Variants in NCAPD3 observed in about 807,000 individuals in gnomAD.
NCAPD3 encodes the protein non-SMC condensin II complex subunit D3.
In NCAPD3, 105 loss-of-function variants were observed where a neutral mutation model predicts 182.9. The observed-to-expected ratio is 0.57, with a 90% CI of 0.49 to 0.68. NCAPD3 has a LOEUF of 0.68. Ranked by LOEUF, NCAPD3 falls within the 30% of genes least tolerant of loss-of-function variation. The pLI is 0.00. For synonymous variants in NCAPD3, 815 were observed against 679.9 expected (o/e 1.20, Z -3.09); for missense variants, 1,944 against 1,837.0 (o/e 1.06, Z -1.07).
chr11:134,162,866 A>G (rs1403887258), intron 27 of NCAPD3, among the ~76,000 whole-genome samples: 2 of 152,162 alleles, frequency 1.3e-5, no homozygotes, highest in African/African-American at 4.8e-5. Context: ...TCAAGGGAAG[A>G]GGTGTTAAGT....
At chr11:134,206,533 T>C in intron 8 of NCAPD3, 66 bp downstream of exon 8, 1 of 1,575,370 alleles carries the variant, frequency 6.3e-7, no homozygotes, top group Non-Finnish European at 8.6e-7. Flanking sequence ...ATCAGAAATC[T>C]TAGTGCAGGG....
intron 15 of NCAPD3, among the ~76,000 whole-genome samples, chr11:134,193,650 G>A (rs1944567788): frequency 6.6e-6 from 1 of 152,228 alleles, no homozygotes; most frequent in African/African-American, 2.4e-5. Context: ...CTACACAGGA[G>A]GCTGAGGCAG....
At chr11:134,191,000 C>A (rs549940091) in intron 16 of NCAPD3, among the ~76,000 whole-genome samples, 9 of 152,188 alleles carry the variant, frequency 5.9e-5, no homozygotes, top group Non-Finnish European at 1.3e-4. Flanking sequence ...GAATAATTTT[C>A]TCCTAGTTAT....
intron 3 of NCAPD3, among the ~76,000 whole-genome samples, chr11:134,215,709 G>C (rs1937991205): frequency 6.6e-6 from 1 of 152,110 alleles, no homozygotes; most frequent in Non-Finnish European, 1.5e-5. Flanking sequence ...TGTTAAATTG[G>C]CAATACTTCA....
At chr11:134,172,134 C>A (rs79792276) in intron 24 of NCAPD3, among the ~76,000 whole-genome samples, 5 of 152,126 alleles carry the variant, frequency 3.3e-5, no homozygotes, top group Non-Finnish European at 5.9e-5. Context: ...GCTGTTAAGA[C>A]GCCTCCACCT....
chr11:134,172,763 G>A (rs549350682), intron 24 of NCAPD3, among the ~76,000 whole-genome samples: 23 of 152,246 alleles, frequency 1.5e-4, no homozygotes, highest in Admixed American at 3.3e-4. Context: ...CATACAGGCC[G>A]GGGTGGTGGC....
chr11:134,170,272 C>G, intron 24 of NCAPD3, among the ~76,000 whole-genome samples: 2 of 152,244 alleles, frequency 1.3e-5, no homozygotes, highest in African/African-American at 4.8e-5. Context: ...TTCCTTGAGA[C>G]AAAATTCACT....
At chr11:134,164,469 G>C (rs73042030) in intron 27 of NCAPD3, among the ~76,000 whole-genome samples, 1 of 152,264 alleles carries the variant, frequency 6.6e-6, no homozygotes, top group Admixed American at 6.5e-5. Flanking sequence ...CAGTAAGAAA[G>C]AAGTCAGCAC....
intron 32 of NCAPD3, among the ~76,000 whole-genome samples, chr11:134,155,244 C>A (rs1943388387): frequency 6.6e-6 from 1 of 152,174 alleles, no homozygotes; most frequent in African/African-American, 2.4e-5. Flanking sequence ...TGGGTGGCAT[C>A]TTTCCTGCCA....
At chr11:134,208,796 A>G (rs1937713480) in intron 7 of NCAPD3, 68 bp downstream of exon 7, 4 of 1,031,922 alleles carry the variant, frequency 3.9e-6, no homozygotes, top group Admixed American at 4.2e-5. Flanking sequence ...CTTTTAACAT[A>G]TTTCCATCAT....
rs565836278 is a variant in NCAPD3, at chr11:134,191,858, T to C, written c.2045+831A>G. Among the ~76,000 whole-genome samples the C allele has an allele frequency of 9.8e-5, 15 of 152,332 alleles. No individual in the cohort carries two copies. In the South Asian group the frequency reaches 2.1e-3, roughly 21 times the overall value. ...ACCAAAGTCTCATATACACCTTGTATGCACAGCCGGAAGGTGATTTTATTT... is the reference window on the plus strand; with the variant it reads ...ACCAAAGTCTCATATACACCTTGTACGCACAGCCGGAAGGTGATTTTATTT... On this transcript the variant is annotated intron_variant, in intron 16 of 34. Transcript: ENST00000534548.
chr11:134,188,405 C>A (rs1322710281), intron 16 of NCAPD3, among the ~76,000 whole-genome samples: 2 of 152,306 alleles, frequency 1.3e-5, no homozygotes, highest in East Asian at 1.9e-4. Flanking sequence ...GCTGGCCACC[C>A]GAGCCAGCAG....
At chr11:134,195,442 G>T (rs938708872) in intron 13 of NCAPD3, among the ~76,000 whole-genome samples, 34 of 152,030 alleles carry the variant, frequency 2.2e-4, no homozygotes, top group African/African-American at 8.2e-4. Context: ...GGACCCTAAA[G>T]AGATTATATC....
chr11:134,174,658 G>A (rs750813475), intron 24 of NCAPD3, among the ~76,000 whole-genome samples: 3 of 152,106 alleles, frequency 2.0e-5, no homozygotes, highest in Admixed American at 6.6e-5. Context: ...ACAGGAAAAT[G>A]CTCAACAGCA....
chr11:134,217,836 T>C (rs535706009), intron 2 of NCAPD3, among the ~76,000 whole-genome samples: 5 of 152,176 alleles, frequency 3.3e-5, no homozygotes, highest in South Asian at 2.1e-4. Context: ...CAATGGCTCA[T>C]GCCTGTAATC....
intron 20 of NCAPD3, among the ~76,000 whole-genome samples, chr11:134,179,607 A>G (rs1337562959): frequency 6.6e-6 from 1 of 152,232 alleles, no homozygotes; most frequent in Non-Finnish European, 1.5e-5. Context: ...CCTCAGAAGT[A>G]AAATCCAAGG....
rs769799188 is a variant in NCAPD3, at chr11:134,152,684, A to G, written c.*260T>C. 2 of 356,692 alleles carry G rather than the reference A, an allele frequency of 5.6e-6. No individual in the cohort carries two copies. The highest frequency in any genetic ancestry group is 5.0e-6 in the Non-Finnish European group (1 of 199,458). The allele number at this position is 356,692 out of a possible 1,614,324, so 22.1% of individuals were successfully genotyped here. ...TATCTGAATGGGCTTGACACTTTCA[A>G]ATGGAATAAAGTTACAATATTAAAC... On this transcript the variant is annotated 3_prime_UTR_variant, in exon 35 of 35. Coordinates refer to ENST00000534548, the MANE Select transcript of NCAPD3 (RefSeq NM_015261.3).
At position 134,192,905 on chromosome 11, in the gene NCAPD3, T is replaced by G; in HGVS notation, c.1829A>C (p.Gln610Pro). 1 of 1,597,366 alleles carries G rather than the reference T, an allele frequency of 6.3e-7. No homozygotes were observed. Among genetic ancestry groups the G allele is most frequent in the Non-Finnish European group, 8.6e-7 (1 of 1,165,036 alleles). The change falls in exon 16 of 35, where the codon CAG (glutamine) becomes CCG (proline). Residue 610 changes from glutamine (Q) to proline (P), a missense_variant. By Grantham distance (76) the Gln-to-Pro change is moderately conservative. Coordinates refer to ENST00000534548, the MANE Select transcript of NCAPD3 (RefSeq NM_015261.3). ...TTTCTGGATCTGCACGCATCTAGGCTGAGCCTTAGGAGTGAAAGATTATGA... is the reference window on the plus strand; with the variant it reads ...TTTCTGGATCTGCACGCATCTAGGCGGAGCCTTAGGAGTGAAAGATTATGA... ...LQSLTELLMA[Q>P]PRCVQIQKAW...
intron 27 of NCAPD3, among the ~76,000 whole-genome samples, chr11:134,166,830 A>G (rs1943830041): frequency 9.4e-6 from 1 of 106,188 alleles, no homozygotes. Flanking sequence ...CACTTGTGAG[A>G]TGAGCTTGGG....
Sources: allele counts gnomAD v4.1 joint callset (sites outside exome capture counted in the v4.1 genomes callset), GRCh38; gene constraint gnomAD v4.1.1; transcripts MANE v1.5; gene names NCBI Gene and HGNC (gene_info 2026-07-23, HGNC 2026-07-21).